Variants in TRAPPC9 observed in about 807,000 individuals in gnomAD.
The protein encoded by TRAPPC9 is IKK2 binding protein.
A neutral mutation model predicts 124.0 loss-of-function variants in TRAPPC9; 83 were observed. The observed-to-expected ratio is 0.67, with a 90% CI of 0.56 to 0.80. The LOEUF is 0.80. Ranked by LOEUF, TRAPPC9 falls within the 30% of genes least tolerant of loss-of-function variation. The pLI, the probability that TRAPPC9 is intolerant of heterozygous loss-of-function variation, is 0.00. For synonymous variants in TRAPPC9, 638 were observed against 617.5 expected (o/e 1.03, Z -0.49); for missense variants, 1,302 against 1,508.3 (o/e 0.86, Z 2.27).
chr8:140,019,391 TA>T (rs1839679483), intron 18 of TRAPPC9, among the ~76,000 whole-genome samples: 1 of 152,144 alleles, frequency 6.6e-6, no homozygotes, highest in Non-Finnish European at 1.5e-5. Context: ...TTTCTTTCTT[TA>T]AAAAGCTTCA....
At chr8:139,877,709 A>T (rs928195763) in intron 21 of TRAPPC9, among the ~76,000 whole-genome samples, 9 of 152,160 alleles carry the variant, frequency 5.9e-5, no homozygotes, top group Non-Finnish European at 2.9e-5. Flanking sequence ...CGCCTCTGTG[A>T]GCCTGAGGAA....
chr8:140,126,149 G>C (rs1416520119), intron 17 of TRAPPC9, among the ~76,000 whole-genome samples: 5 of 152,028 alleles, frequency 3.3e-5, no homozygotes, highest in Non-Finnish European at 5.9e-5. Context: ...AAGTTGATTT[G>C]AAAGAGATTG....
rs2129935219 is a variant in TRAPPC9, at chr8:139,731,986, A to C, written c.3272T>G (p.Leu1091Arg). The stretch of plus-strand genomic sequence containing the variant: ...TTGCACACCACCACGCACCGCGTCG[A>C]GGTAGAAGGTGCTGGAGCCCACGAA... The part of the protein sequence containing the change: ...VSFVGSSTFY[L>R]DAVQPSGQSA... The change falls in exon 22 of 23, where the codon CTC becomes CGC. Residue 1091 changes from leucine to arginine, a missense_variant. Coordinates refer to ENST00000438773, the MANE Select transcript of TRAPPC9 (RefSeq NM_001160372.4). The C allele has an allele frequency of 1.3e-6, 2 of 1,582,228 alleles. No individual in the cohort carries two copies. The highest frequency in any genetic ancestry group is 1.7e-6 in the Non-Finnish European group (2 of 1,163,616).
intron 7 of TRAPPC9, among the ~76,000 whole-genome samples, chr8:140,385,949 C>T (rs2068744010): frequency 1.3e-5 from 2 of 152,326 alleles, no homozygotes; most frequent in South Asian, 4.1e-4. Context: ...TCCAGCAGCA[C>T]ATCAAAAAGC....
At position 140,360,081 on chromosome 8, in the gene TRAPPC9, T is replaced by C. The variant is rs766223402; in HGVS notation, c.1464A>G (p.Leu488=). ...CCGACAAGAAGTCCAGCATGGTCTGTAGAAGGAAGGACAGGTGTCTGACAG... is the reference window on the plus strand; with the variant it reads ...CCGACAAGAAGTCCAGCATGGTCTGCAGAAGGAAGGACAGGTGTCTGACAG... ...ALSVRHLSFL[L]QTMLDFLSDQ... Residue 488 remains leucine (L), a synonymous_variant, in exon 9 of 23, where the codon CTA becomes CTG. Coordinates refer to ENST00000438773, the MANE Select transcript of TRAPPC9 (RefSeq NM_001160372.4). 8 of 1,613,980 alleles carry C rather than the reference T, an allele frequency of 5.0e-6. No individual in the cohort carries two copies. The South Asian group carries it at 7.7e-5, about 16-fold the overall frequency.
At chr8:139,871,420 A>C (rs1828891981) in intron 21 of TRAPPC9, among the ~76,000 whole-genome samples, 1 of 152,200 alleles carries the variant, frequency 6.6e-6, no homozygotes, top group African/African-American at 2.4e-5. Context: ...CAGCACCTGC[A>C]GGCATTTATA....
chr8:139,812,540 G>A (rs1443486280), intron 21 of TRAPPC9, among the ~76,000 whole-genome samples: 1 of 152,230 alleles, frequency 6.6e-6, no homozygotes, highest in Non-Finnish European at 1.5e-5. Flanking sequence ...GGGCAGGCAG[G>A]AGTAAGGACT....
At chr8:139,928,120 C>T (rs1232421536) in intron 19 of TRAPPC9, among the ~76,000 whole-genome samples, 1 of 152,188 alleles carries the variant, frequency 6.6e-6, no homozygotes, top group Non-Finnish European at 1.5e-5. Flanking sequence ...TACCAAAAGA[C>T]AAGCCCTGTG....
chr8:140,241,927 G>A lies in TRAPPC9; in HGVS notation c.2431+10850C>T, dbSNP rs984013057. Among the ~76,000 whole-genome samples, 23 of 152,128 alleles carry A rather than the reference G, an allele frequency of 1.5e-4. No individual in the cohort carries two copies. Among genetic ancestry groups the A allele is most frequent in the Admixed American group, 1.1e-3 (17 of 15,270 alleles). Reference sequence around the variant, plus strand: ...AAAGGAGAGAGCACACGGCAGCTACGTGGGAGACTCAGGGAAGGATGAGCT... The same window carrying A: ...AAAGGAGAGAGCACACGGCAGCTACATGGGAGACTCAGGGAAGGATGAGCT... On this transcript the variant is annotated intron_variant, in intron 16 of 22. Transcript: ENST00000438773. The surrounding 1 kb of genome is among the most constrained non-coding windows in gnomAD (Gnocchi z 5.0).
chr8:139,885,768 G>T, intron 21 of TRAPPC9, 111 bp downstream of exon 21: 1 of 1,044,276 alleles, frequency 9.6e-7, no homozygotes, highest in African/African-American at 1.6e-5. Context: ...ATGACCTTCA[G>T]TACCCACCAA....
intron 7 of TRAPPC9, among the ~76,000 whole-genome samples, chr8:140,385,004 G>C (rs1356695290): frequency 6.6e-6 from 1 of 152,136 alleles, no homozygotes; most frequent in Non-Finnish European, 1.5e-5. Flanking sequence ...TAGAACTCAG[G>C]ATTAAGAAAC....
chr8:140,389,426 G>A (rs933822110), intron 7 of TRAPPC9, among the ~76,000 whole-genome samples: 4 of 152,204 alleles, frequency 2.6e-5, no homozygotes, highest in Admixed American at 1.3e-4. Context: ...AGACACAGGT[G>A]TGCACACCCA....
chr8:140,402,457 G>A (rs1201859514), intron 6 of TRAPPC9, among the ~76,000 whole-genome samples: 2 of 150,282 alleles, frequency 1.3e-5, no homozygotes, highest in African/African-American at 4.9e-5. Context: ...ACTTTGGGAG[G>A]CCCGAAGCAG....
intron 9 of TRAPPC9, among the ~76,000 whole-genome samples, chr8:140,318,495 T>A (rs1348313062): frequency 6.6e-6 from 1 of 152,254 alleles, no homozygotes; most frequent in South Asian, 2.1e-4. Flanking sequence ...CCTGTCTAAC[T>A]GAGGCTTTCT....
intron 19 of TRAPPC9, among the ~76,000 whole-genome samples, chr8:139,929,225 T>G (rs566198002): frequency 1.3e-5 from 2 of 152,328 alleles, no homozygotes; most frequent in Non-Finnish European, 2.9e-5. Flanking sequence ...GTCACACAGG[T>G]AGGAACCATG....
rs1012246459 is a variant in TRAPPC9 at position 140,216,728 on chromosome 8, C to G, written c.2556+4731G>C. 9.2e-5 allele frequency among the ~76,000 whole-genome samples: 14 copies of G among 152,184 alleles called. No individual in the cohort carries two copies. The highest frequency in any genetic ancestry group is 1.5e-5 in the Non-Finnish European group (1 of 68,028). On this transcript the variant is annotated intron_variant, in intron 17 of 22. Coordinates refer to ENST00000438773, the MANE Select transcript of TRAPPC9 (RefSeq NM_001160372.4). This position sits in a 1 kb window ranked among gnomAD's most constrained non-coding sequence, Gnocchi z 4.1. ...CCTGCCAGCCGCAGGTTCGGGAATG[C>G]CCTCTCCACTCTGGCCTGCTAGCTC... is the stretch of plus-strand genomic sequence containing the variant.
chr8:140,003,474 C>T (rs539332492), intron 18 of TRAPPC9, among the ~76,000 whole-genome samples: 4 of 151,800 alleles, frequency 2.6e-5, no homozygotes, highest in East Asian at 3.9e-4. Flanking sequence ...TGGTGCCGTG[C>T]GCCTGTAGTC....
intron 17 of TRAPPC9, among the ~76,000 whole-genome samples, chr8:140,062,686 A>G (rs1842691934): frequency 6.6e-6 from 1 of 152,112 alleles, no homozygotes; most frequent in African/African-American, 2.4e-5. Context: ...CTCCTACTAG[A>G]AGATGAGCTC....
intron 9 of TRAPPC9, among the ~76,000 whole-genome samples, chr8:140,336,844 G>A (rs1156871166): frequency 6.6e-6 from 1 of 152,202 alleles, no homozygotes; most frequent in Non-Finnish European, 1.5e-5. Flanking sequence ...GAAGGAAGAA[G>A]ACGAATTCCA....
Sources: gnomAD v4.1 joint callset for allele counts (sites outside exome capture counted in the v4.1 genomes callset) on GRCh38, gnomAD v4.1.1 for gene constraint, Gnocchi (gnomAD v3.1) non-coding constraint, MANE v1.5 for transcripts, NCBI Gene and HGNC (gene_info 2026-07-23, HGNC 2026-07-21) for gene names.